Variants in ERBB4 observed in about 807,000 individuals in gnomAD.
The protein encoded by ERBB4 is erb-b2 receptor tyrosine kinase 4.
Under a neutral mutation model 158.0 loss-of-function variants are expected in ERBB4, and 42 were observed. The ratio of observed to expected loss-of-function variants is 0.27; its 90% CI spans 0.21 to 0.34. The LOEUF (loss-of-function observed/expected upper bound fraction) is 0.34, where lower values mean the gene tolerates loss of function less well. Ranked by LOEUF, ERBB4 falls within the 10% of genes least tolerant of loss-of-function variation. ERBB4 has a pLI of 1.00. For synonymous variants in ERBB4, 583 were observed against 558.7 expected (o/e 1.04, Z -0.61); for missense variants, 1,333 against 1,624.1 (o/e 0.82, Z 3.08).
chr2:211,740,021 TTC>T (rs2074737226), intron 5 of ERBB4, among the ~76,000 whole-genome samples: 1 of 152,210 alleles, frequency 6.6e-6, no homozygotes, highest in African/African-American at 2.4e-5. Context: ...CTGTCTTTTT[TTC>T]TGTTCCCTCA....
At chr2:212,492,142 A>T (rs1428466851) in intron 1 of ERBB4, among the ~76,000 whole-genome samples, 1 of 151,582 alleles carries the variant, frequency 6.6e-6, no homozygotes, top group Non-Finnish European at 1.5e-5. Context: ...CTCTGAAGAA[A>T]TAATGCAATT....
chr2:211,475,534 TATA>T (rs1244297193), intron 20 of ERBB4, among the ~76,000 whole-genome samples: 2 of 152,102 alleles, frequency 1.3e-5, no homozygotes, highest in African/African-American at 4.8e-5. Flanking sequence ...TCTGAAGAAC[TATA>T]ATGACATATA....
rs577547714 is a variant in ERBB4 at position 211,942,442 on chromosome 2, G to A, written c.421+4988C>T. On this transcript the variant is annotated intron_variant, in intron 3 of 27. Transcript: ENST00000342788. ...CATGATCATAGCTCACTGCAGCCTCGACCTTCCAGGCTCAAGAGATCCTCC... is the reference window on the plus strand; with the variant it reads ...CATGATCATAGCTCACTGCAGCCTCAACCTTCCAGGCTCAAGAGATCCTCC... Among the ~76,000 whole-genome samples the A allele has an allele frequency of 1.1e-4, 16 of 151,662 alleles. 1 individual carries two copies. Among genetic ancestry groups the A allele is most frequent in the Middle Eastern group, 3.4e-3 (1 of 292 alleles).
chr2:212,503,459 G>A (rs899658845), intron 1 of ERBB4, among the ~76,000 whole-genome samples: 2 of 152,108 alleles, frequency 1.3e-5, no homozygotes, highest in Non-Finnish European at 2.9e-5. Flanking sequence ...AAATCCAAAT[G>A]GACTGCATTT....
chr2:211,998,625 C>T (rs2076028480), intron 2 of ERBB4, among the ~76,000 whole-genome samples: 1 of 151,086 alleles, frequency 6.6e-6, no homozygotes. Flanking sequence ...TGTAAGACAG[C>T]ATTTTGTTTT....
chr2:212,197,068 C>T (rs2082448490), intron 1 of ERBB4, among the ~76,000 whole-genome samples: 1 of 152,022 alleles, frequency 6.6e-6, no homozygotes, highest in African/African-American at 2.4e-5. Context: ...TGACCAACTC[C>T]TTTATACACC....
intron 1 of ERBB4, among the ~76,000 whole-genome samples, chr2:212,179,841 C>T (rs2081799942): frequency 6.6e-6 from 1 of 151,496 alleles, no homozygotes; most frequent in Non-Finnish European, 1.5e-5. Context: ...GGAATGGTCT[C>T]CCAAATCTTC....
chr2:212,367,935 G>A (rs758953472), intron 1 of ERBB4, among the ~76,000 whole-genome samples: 1 of 152,044 alleles, frequency 6.6e-6, no homozygotes, highest in Non-Finnish European at 1.5e-5. Context: ...AAAAACAGTA[G>A]ATGTTGGTGT....
At chr2:211,909,750 G>T (rs2079495537) in intron 3 of ERBB4, among the ~76,000 whole-genome samples, 1 of 151,698 alleles carries the variant, frequency 6.6e-6, no homozygotes, top group Non-Finnish European at 1.5e-5. Context: ...GTGTGTTTGT[G>T]TGTATGTAGG....
chr2:212,490,558 G>A (rs575004483), intron 1 of ERBB4, among the ~76,000 whole-genome samples: 2 of 151,830 alleles, frequency 1.3e-5, no homozygotes, highest in South Asian at 4.2e-4. Context: ...GTTTGAGAAA[G>A]TGTTTTGAAT....
intron 1 of ERBB4, among the ~76,000 whole-genome samples, chr2:212,290,887 T>C (rs2086182177): frequency 6.6e-6 from 1 of 152,142 alleles, no homozygotes; most frequent in African/African-American, 2.4e-5. Context: ...ATTGGGCTTA[T>C]AGTTTAACGG....
chr2:211,593,493 T>G (rs748738391), intron 19 of ERBB4, among the ~76,000 whole-genome samples: 1 of 152,188 alleles, frequency 6.6e-6, no homozygotes, highest in Non-Finnish European at 1.5e-5. Context: ...TCAAGTTGTA[T>G]CTCTTTCACA....
intron 20 of ERBB4, among the ~76,000 whole-genome samples, chr2:211,470,984 C>A (rs2064814344): frequency 6.6e-6 from 1 of 152,120 alleles, no homozygotes; most frequent in Non-Finnish European, 1.5e-5. Context: ...TGAGACTGTG[C>A]CATTTTGGGT....
intron 1 of ERBB4, among the ~76,000 whole-genome samples, chr2:212,519,867 T>C (rs771237292): frequency 6.6e-6 from 1 of 151,924 alleles, no homozygotes; most frequent in African/African-American, 2.4e-5. Flanking sequence ...GCAGAGTAAA[T>C]ATGTTTAGTA....
intron 20 of ERBB4, among the ~76,000 whole-genome samples, chr2:211,495,690 C>A (rs529672768): frequency 5.3e-5 from 8 of 152,114 alleles, no homozygotes; most frequent in Non-Finnish European, 1.0e-4. Flanking sequence ...AAATAAAGTA[C>A]CACCCACAGA....
intron 1 of ERBB4, among the ~76,000 whole-genome samples, chr2:212,494,073 T>C (rs557196319): frequency 6.6e-6 from 1 of 152,020 alleles, no homozygotes; most frequent in African/African-American, 2.4e-5. Context: ...ATTATATGTA[T>C]ACTGGATACA....
chr2:211,762,814 C>A (rs1346484404), intron 4 of ERBB4, among the ~76,000 whole-genome samples: 2 of 152,196 alleles, frequency 1.3e-5, no homozygotes, highest in African/African-American at 4.8e-5. Context: ...ACATGACTCT[C>A]ACTCTCATTC....
chr2:212,116,644 A>G (rs921200481), intron 2 of ERBB4, among the ~76,000 whole-genome samples: 6 of 152,166 alleles, frequency 3.9e-5, no homozygotes, highest in Non-Finnish European at 7.4e-5. Flanking sequence ...ACAGGGTCTC[A>G]CTATGTTACC....
intron 1 of ERBB4, among the ~76,000 whole-genome samples, chr2:212,374,616 AAC>A (rs368428864): frequency 3.3e-5 from 5 of 151,166 alleles, no homozygotes; most frequent in Admixed American, 1.3e-4. Context: ...TACAAATATA[AAC>A]ACACACACAC....
Sources: allele counts gnomAD v4.1 joint callset (sites outside exome capture counted in the v4.1 genomes callset), GRCh38; gene constraint gnomAD v4.1.1; transcripts MANE v1.5; gene names NCBI Gene and HGNC (gene_info 2026-07-23, HGNC 2026-07-21).